NXPH1: variants seen among roughly 807,000 people sequenced by gnomAD.
The protein encoded by NXPH1 is neurexophilin-1.
Under a neutral mutation model 23.7 loss-of-function variants are expected in NXPH1, and 5 were observed. The observed-to-expected ratio is 0.21, with a 90% CI of 0.11 to 0.44. The LOEUF (loss-of-function observed/expected upper bound fraction) is 0.44. NXPH1 is among the 20% of genes least tolerant of loss of function. The pLI, the probability that NXPH1 is intolerant of heterozygous loss-of-function variation, is 0.99. For synonymous variants in NXPH1, 144 were observed against 122.2 expected (o/e 1.18, Z -1.18); for missense variants, 324 against 321.6 (o/e 1.01, Z -0.06).
At chr7:8,606,159 A>T (rs149378573) in intron 2 of NXPH1, among the ~76,000 whole-genome samples, 41 of 152,288 alleles carry the variant, frequency 2.7e-4, no homozygotes, top group African/African-American at 9.4e-4. Flanking sequence ...TCAATTTAAC[A>T]TCACTGTTTG....
chr7:8,617,318 G>A (rs945961729), intron 2 of NXPH1, among the ~76,000 whole-genome samples: 1 of 152,052 alleles, frequency 6.6e-6, no homozygotes, highest in Admixed American at 6.6e-5. Context: ...TCCTATAAAA[G>A]AAAGGAAATC....
At chr7:8,510,357 C>CA in intron 2 of NXPH1, among the ~76,000 whole-genome samples, 1 of 151,974 alleles carries the variant, frequency 6.6e-6, no homozygotes, top group Non-Finnish European at 1.5e-5. Flanking sequence ...ATAATTTTCA[C>CA]AACTACCTTC....
chr7:8,653,905 C>A (rs1255133691), intron 2 of NXPH1, among the ~76,000 whole-genome samples: 1 of 152,156 alleles, frequency 6.6e-6, no homozygotes, highest in Admixed American at 6.5e-5. Flanking sequence ...GGCTAGGGGT[C>A]AACTCCTATC....
intron 2 of NXPH1, among the ~76,000 whole-genome samples, chr7:8,582,691 A>G (rs1818904052): frequency 6.6e-6 from 1 of 152,108 alleles, no homozygotes; most frequent in African/African-American, 2.4e-5. Context: ...GAGGAAGTGC[A>G]TGCTGATTGG....
intron 2 of NXPH1, among the ~76,000 whole-genome samples, chr7:8,569,045 G>A (rs1818600817): frequency 6.6e-6 from 1 of 151,850 alleles, no homozygotes. Flanking sequence ...CTGTTTTGAT[G>A]AAATTCGAAC....
At chr7:8,443,877 G>A (rs1037937819) in intron 2 of NXPH1, among the ~76,000 whole-genome samples, 3 of 151,980 alleles carry the variant, frequency 2.0e-5, no homozygotes, top group Non-Finnish European at 4.4e-5. Context: ...ACGAACAACC[G>A]CCCCCTACAA....
intron 2 of NXPH1, among the ~76,000 whole-genome samples, chr7:8,573,558 T>C (rs567168842): frequency 7.9e-5 from 12 of 152,112 alleles, no homozygotes; most frequent in Non-Finnish European, 1.8e-4. Flanking sequence ...GCATAATGCA[T>C]GAGTGATGGA....
chr7:8,721,768 C>CTCTG (rs922680702), intron 2 of NXPH1, among the ~76,000 whole-genome samples: 2 of 152,172 alleles, frequency 1.3e-5, no homozygotes, highest in Non-Finnish European at 2.9e-5. Context: ...CATAGCGAGA[C>CTCTG]TCTGTCTCAA....
chr7:8,505,821 A>G lies in NXPH1; in HGVS notation c.54+70054A>G, dbSNP rs552194399. On this transcript the variant is annotated intron_variant, in intron 2 of 2. Coordinates refer to ENST00000405863, the MANE Select transcript of NXPH1 (RefSeq NM_152745.3). ...TGCTAGAAAATTGACTCTGAGGAGC[A>G]TGCAGGTGTTTCTGTGTTCTAAACT... Among the ~76,000 whole-genome samples the G allele has an allele frequency of 2.6e-5, 4 of 152,244 alleles. No individual in the cohort carries two copies. The South Asian group carries it at 8.3e-4, about 32-fold the overall frequency.
chr7:8,532,207 A>G (rs1293154855), intron 2 of NXPH1, among the ~76,000 whole-genome samples: 1 of 152,182 alleles, frequency 6.6e-6, no homozygotes, highest in Non-Finnish European at 1.5e-5. Flanking sequence ...TAGGCTTTAA[A>G]AAAACCATTT....
chr7:8,490,660 G>A (rs1321563982), intron 2 of NXPH1, among the ~76,000 whole-genome samples: 1 of 151,912 alleles, frequency 6.6e-6, no homozygotes, highest in African/African-American at 2.4e-5. Flanking sequence ...CTGTTTACTA[G>A]TATAAAAATC....
At chr7:8,739,171 T>TG (rs1780316255) in intron 2 of NXPH1, among the ~76,000 whole-genome samples, 1 of 54,044 alleles carries the variant, frequency 1.9e-5, no homozygotes, top group Non-Finnish European at 3.3e-5. Flanking sequence ...ACCAGTGGGG[T>TG]AAAAAAAAAA....
intron 2 of NXPH1, among the ~76,000 whole-genome samples, chr7:8,519,745 G>A (rs1231186244): frequency 6.6e-6 from 1 of 152,114 alleles, no homozygotes; most frequent in Non-Finnish European, 1.5e-5. Flanking sequence ...GGATGTTGCA[G>A]TAGAGAAAAA....
chr7:8,588,153 G>A (rs1015615114), intron 2 of NXPH1, among the ~76,000 whole-genome samples: 1 of 152,264 alleles, frequency 6.6e-6, no homozygotes, highest in East Asian at 1.9e-4. Flanking sequence ...GTTGGTGGGA[G>A]TGTAAATTAG....
At chr7:8,579,105 T>C (rs1406183329) in intron 2 of NXPH1, among the ~76,000 whole-genome samples, 1 of 152,208 alleles carries the variant, frequency 6.6e-6, no homozygotes, top group African/African-American at 2.4e-5. Context: ...AAACGTGAAG[T>C]GCAAGGCTGC....
At chr7:8,537,263 C>T (rs937877938) in intron 2 of NXPH1, among the ~76,000 whole-genome samples, 1 of 151,934 alleles carries the variant, frequency 6.6e-6, no homozygotes, top group African/African-American at 2.4e-5. Flanking sequence ...TATGTGCCAC[C>T]TCCCTGCTTT....
rs1820152588 is a variant in NXPH1 at position 8,632,576 on chromosome 7, GCA to G, written c.55-118429_55-118428del. 2.0e-5 allele frequency among the ~76,000 whole-genome samples: 3 copies of G among 152,244 alleles called. No homozygotes were observed. In the South Asian group the frequency reaches 6.2e-4, roughly 32 times the overall value. ...GTCTATTTCCCAAATGCAGCAACTG[GCA>G]CAGTGACTGGAGCATGGAATCTGTT... On this transcript the variant is annotated intron_variant, in intron 2 of 2. Transcript: ENST00000405863.
At chr7:8,640,299 A>G (rs571422275) in intron 2 of NXPH1, among the ~76,000 whole-genome samples, 55 of 152,124 alleles carry the variant, frequency 3.6e-4, no homozygotes, top group African/African-American at 1.2e-3. Flanking sequence ...GACTTTTAAA[A>G]TATTATATGG....
chr7:8,644,579 T>C lies in NXPH1; in HGVS notation c.55-106429T>C, dbSNP rs200450048. Among the ~76,000 whole-genome samples the C allele has an allele frequency of 3.1e-3, 473 of 152,318 alleles. 1 individual carries two copies. Among genetic ancestry groups the C allele is most frequent in the African/African-American group, 0.011 (454 of 41,578 alleles). ...GTTGAATTCTTATTTTAGACTATTT[T>C]TTTTTAGCCATATTGGGATTTCAGA... On this transcript the variant is annotated intron_variant, in intron 2 of 2. Coordinates refer to ENST00000405863, the MANE Select transcript of NXPH1 (RefSeq NM_152745.3).
Sources: allele counts gnomAD v4.1 joint callset (sites outside exome capture counted in the v4.1 genomes callset), GRCh38; gene constraint gnomAD v4.1.1; transcripts MANE v1.5; gene names NCBI Gene and HGNC (gene_info 2026-07-23, HGNC 2026-07-21).